Variants in LYPLAL1 observed in about 807,000 individuals in gnomAD.
LYPLAL1 encodes the protein lysophospholipase-like protein 1.
LYPLAL1 carries 23 observed loss-of-function variants against 19.7 expected under a neutral mutation model. The ratio of observed to expected loss-of-function variants is 1.17; its 90% confidence interval spans 0.84 to 1.65. The LOEUF (loss-of-function observed/expected upper bound fraction) is 1.65, where lower values mean the gene tolerates loss of function less well. Among genes scored for constraint, LYPLAL1 ranks in the 40% most tolerant of loss-of-function variants. The pLI, the probability that LYPLAL1 is intolerant of heterozygous loss-of-function variation, is 0.00. For missense variants in LYPLAL1, 355 were observed against 279.4 expected, an observed-to-expected ratio of 1.27 and a Z score of -1.93; for synonymous variants, 119 against 96.3, an observed-to-expected ratio of 1.24 and a Z score of -1.38.
the LYPLAL1 span, among the ~76,000 whole-genome samples, chr1:219,358,913 C>A: frequency 6.6e-6 from 1 of 152,040 alleles, no homozygotes; most frequent in Non-Finnish European, 1.5e-5. Context: ...ACTTACTGAA[C>A]ATGCCCACAA....
downstream of LYPLAL1, among the ~76,000 whole-genome samples, chr1:219,217,409 A>ATGTGTGT (rs1659334658): frequency 8.8e-6 from 1 of 113,930 alleles, no homozygotes; most frequent in Non-Finnish European, 2.0e-5. Context: ...TGTGTGTGTG[A>ATGTGTGT]GAGATGGTTG....
the LYPLAL1 span, among the ~76,000 whole-genome samples, chr1:219,277,606 AAAC>A: frequency 2.0e-5 from 3 of 152,314 alleles, no homozygotes; most frequent in Admixed American, 6.5e-5. Flanking sequence ...AGAAGCTGGA[AAAC>A]AACAAGAATC....
the LYPLAL1 span, among the ~76,000 whole-genome samples, chr1:219,327,228 G>C: frequency 0.35 from 52,867 of 152,032 alleles, 10,065 homozygotes; most frequent in East Asian, 0.81. Flanking sequence ...CCTCCTCAGG[G>C]CTGGGTGGAA....
the LYPLAL1 span, among the ~76,000 whole-genome samples, chr1:219,280,687 GC>G: frequency 6.6e-6 from 1 of 151,654 alleles, no homozygotes; most frequent in African/African-American, 2.4e-5. Context: ...GATTTTTTTT[GC>G]CAGTTTGAGA....
the LYPLAL1 span, among the ~76,000 whole-genome samples, chr1:219,328,375 A>G: frequency 2.0e-5 from 3 of 152,210 alleles, no homozygotes; most frequent in Non-Finnish European, 2.9e-5. Flanking sequence ...TTCTTTCTAC[A>G]TGATAGTAAG....
chr1:219,316,547 C>A, the LYPLAL1 span, among the ~76,000 whole-genome samples: 4 of 152,062 alleles, frequency 2.6e-5, no homozygotes, highest in Non-Finnish European at 4.4e-5. Context: ...TGATAGAATT[C>A]ACTAGCAAGG....
At chr1:219,174,252 A>C in intron 1 of LYPLAL1, 1 of 1,357,684 alleles carries the variant, frequency 7.4e-7, no homozygotes, top group Non-Finnish European at 9.5e-7. Flanking sequence ...CTCCATCCCC[A>C]CAACACACCT....
At chr1:219,274,506 C>T in the LYPLAL1 span, among the ~76,000 whole-genome samples, 2 of 152,140 alleles carry the variant, frequency 1.3e-5, no homozygotes, top group Admixed American at 1.3e-4. Context: ...CTGCCTCAGC[C>T]TCCTGAGTAG....
In LYPLAL1 at chr1:219,179,157, A is replaced by G; in HGVS notation, c.102A>G (p.Gly34=). The change falls in exon 2 of 5, where the codon GGA becomes GGG. Residue 34 remains glycine, a synonymous_variant. Coordinates refer to ENST00000366928, the MANE Select transcript of LYPLAL1 (RefSeq NM_138794.5). ...LIFLHGSGDS[G]QGLRMWIKQV... Reference sequence around the variant, plus strand: ...TTTTTGATTCATCAGGTGATTCTGGACAAGGATTAAGAATGTGGATCAAGC... The same window carrying G: ...TTTTTGATTCATCAGGTGATTCTGGGCAAGGATTAAGAATGTGGATCAAGC... 6.2e-7 allele frequency: 1 copy of G among 1,606,382 alleles called. No individual in the cohort carries two copies. Among genetic ancestry groups the G allele is most frequent in the Non-Finnish European group, 8.5e-7 (1 of 1,177,136 alleles).
chr1:219,254,382 T>G, the LYPLAL1 span, among the ~76,000 whole-genome samples: 1 of 152,050 alleles, frequency 6.6e-6, no homozygotes. Flanking sequence ...GACACTGGTC[T>G]GTGGGTTTAA....
At chr1:219,327,722 G>A in the LYPLAL1 span, among the ~76,000 whole-genome samples, 1 of 152,192 alleles carries the variant, frequency 6.6e-6, no homozygotes, top group East Asian at 1.9e-4. Flanking sequence ...TGAATAATGG[G>A]GTCAGTTTTC....
the LYPLAL1 span, among the ~76,000 whole-genome samples, chr1:219,319,944 C>T: frequency 6.6e-6 from 1 of 152,158 alleles, no homozygotes; most frequent in East Asian, 1.9e-4. Flanking sequence ...CACAGTCCCA[C>T]CTGAATATTC....
At chr1:219,179,705 T>G (rs1409002102) in intron 2 of LYPLAL1, among the ~76,000 whole-genome samples, 13 of 152,256 alleles carry the variant, frequency 8.5e-5, no homozygotes, top group Non-Finnish European at 4.4e-5. Context: ...TTATGCTTTT[T>G]TAATCAGTAA....
downstream of LYPLAL1, among the ~76,000 whole-genome samples, chr1:219,217,379 G>GGTGTGTGTGTGTGT (rs371579948): frequency 0.21 from 28,594 of 133,838 alleles, 3,352 homozygotes; most frequent in South Asian, 0.28. Context: ...TGCCAGGTTT[G>GGTGTGTGTGTGTGT]GTGTGTGTGT....
At chr1:219,304,529 T>C in the LYPLAL1 span, among the ~76,000 whole-genome samples, 1 of 152,340 alleles carries the variant, frequency 6.6e-6, no homozygotes, top group South Asian at 2.1e-4. Context: ...TTAGATTACT[T>C]AGAGCAGGAT....
At chr1:219,334,946 A>C in the LYPLAL1 span, among the ~76,000 whole-genome samples, 1 of 151,826 alleles carries the variant, frequency 6.6e-6, no homozygotes, top group Non-Finnish European at 1.5e-5. Flanking sequence ...GGTTTTCCAA[A>C]TTTTTACCAT....
At chr1:219,342,660 C>T in the LYPLAL1 span, among the ~76,000 whole-genome samples, 1 of 152,108 alleles carries the variant, frequency 6.6e-6, no homozygotes, top group Admixed American at 6.6e-5. Context: ...AAAAAAATTC[C>T]TCTTTGACTG....
the LYPLAL1 span, among the ~76,000 whole-genome samples, chr1:219,262,312 G>A: frequency 1.3e-5 from 2 of 151,974 alleles, no homozygotes; most frequent in Non-Finnish European, 1.5e-5. Flanking sequence ...ATCTCTTTGA[G>A]TAGTTTAATA....
chr1:219,174,137 C>T, intron 1 of LYPLAL1, 156 bp downstream of exon 1: 2 of 1,449,674 alleles, frequency 1.4e-6, no homozygotes, highest in South Asian at 2.8e-5. Context: ...GCACGGGCAG[C>T]GCCACCTGCC....
Sources: gnomAD v4.1 joint callset for allele counts (sites outside exome capture counted in the v4.1 genomes callset) on GRCh38, gnomAD v4.1.1 for gene constraint, MANE v1.5 for transcripts, NCBI Gene and HGNC (gene_info 2026-07-23, HGNC 2026-07-21) for gene names.